The following BMP1 variants were observed in gnomAD, a reference collection of about 807,000 sequenced individuals.
The protein encoded by BMP1 is bone morphogenetic protein 1, also known as mammalian tolloid protein.
In BMP1, 63 loss-of-function variants were observed where a neutral mutation model predicts 116.8. The observed-to-expected ratio is 0.54, with a 90% CI of 0.44 to 0.67. BMP1 has a LOEUF of 0.67. BMP1 is among the 30% of genes least tolerant of loss of function. The pLI, the probability that BMP1 is intolerant of heterozygous loss-of-function variation, is 0.00. For synonymous variants in BMP1, 536 were observed against 533.4 expected, an observed-to-expected ratio of 1.00 and a Z score of -0.07; for missense variants, 1,183 against 1,358.9, an observed-to-expected ratio of 0.87 and a Z score of 2.04.
intron 15 of BMP1, chr8:22,201,553 T>C: frequency 7.1e-7 from 1 of 1,417,488 alleles, no homozygotes; most frequent in East Asian, 2.6e-5. Context: ...TGACCCATGC[T>C]GGTCCGCTCG....
chr8:22,197,743 G>T (rs1829133911), intron 15 of BMP1, among the ~76,000 whole-genome samples: 1 of 152,244 alleles, frequency 6.6e-6, no homozygotes, highest in Admixed American at 6.5e-5. Context: ...GGAGAGGGCA[G>T]GTCCTAGGAA....
intron 16 of BMP1, 39 bp from the exon 17 acceptor site, chr8:22,206,815 G>T: frequency 6.2e-7 from 1 of 1,613,066 alleles, no homozygotes; most frequent in Non-Finnish European, 8.5e-7. Flanking sequence ...GGAGCTTGGG[G>T]TCCCTCTCTA....
At chr8:22,177,219 G>A in intron 5 of BMP1, 80 bp downstream of exon 5, 5 of 1,409,900 alleles carry the variant, frequency 3.5e-6, no homozygotes, top group Non-Finnish European at 4.8e-6. Flanking sequence ...GGGGGCAGTG[G>A]CAGCCGCTCC....
chr8:22,201,832 G>A lies in BMP1; in HGVS notation c.2137G>A (p.Gly713Ser), dbSNP rs148687489. 5.1e-5 allele frequency: 82 copies of A among 1,613,510 alleles called. No homozygotes were observed. The African/African-American group carries it at 6.4e-4, about 13-fold the overall frequency. Residue 713 changes from glycine (G) to serine (S), a missense_variant, in exon 16 of 20, where the codon GGC becomes AGC. By Grantham distance (56) the Gly-to-Ser change is moderately conservative. Coordinates refer to ENST00000306385, the MANE Select transcript of BMP1 (RefSeq NM_006129.5). ...GGACGAGTGCTCCAAGGATAACGGC[G>A]GCTGCCAGCAGGACTGCGTCAACAC... ...DKDECSKDNG[G>S]CQQDCVNTFG...
chr8:22,185,797 T>C (rs116595685), intron 8 of BMP1, among the ~76,000 whole-genome samples: 8,405 of 150,692 alleles, frequency 0.056, 715 homozygotes, highest in African/African-American at 0.18. Flanking sequence ...AATTTTTGTA[T>C]TTTTAGCAGA....
Position 22,175,190 on chromosome 8 carries a change from C to A in BMP1, c.263-953C>A, listed in dbSNP as rs1828397249. 2.6e-5 allele frequency among the ~76,000 whole-genome samples: 4 copies of A among 152,228 alleles called. No homozygotes were observed. In the South Asian group the frequency reaches 6.2e-4, roughly 24 times the overall value. On this transcript the variant is annotated intron_variant, in intron 2 of 19. Transcript: ENST00000306385. ...AACCCACCAGGTGACTTTGGCCAAA[C>A]CTTTGGCCTTAGTTTCCTCATCTGT...
chr8:22,193,598 A>G (rs1474102773), intron 9 of BMP1, among the ~76,000 whole-genome samples: 1 of 152,248 alleles, frequency 6.6e-6, no homozygotes, highest in Non-Finnish European at 1.5e-5. Context: ...AGCCTGGCCA[A>G]CATGGCAAAA....
intron 1 of BMP1, among the ~76,000 whole-genome samples, chr8:22,166,661 G>A (rs1303481188): frequency 6.6e-6 from 1 of 152,216 alleles, no homozygotes; most frequent in Non-Finnish European, 1.5e-5. Context: ...GGGGCGGAGG[G>A]GCAGGTTGCT....
intron 1 of BMP1, among the ~76,000 whole-genome samples, chr8:22,165,882 C>CATGTGTGTGT (rs1554477755): frequency 7.6e-6 from 1 of 131,314 alleles, no homozygotes; most frequent in African/African-American, 2.9e-5. Context: ...CCTGTGCGTG[C>CATGTGTGTGT]GTGTGTGTGT....
chr8:22,165,878 C>CGTGTGTGTGTGTGTGT (rs1432185239), intron 1 of BMP1, among the ~76,000 whole-genome samples: 1 of 67,712 alleles, frequency 1.5e-5, no homozygotes, highest in South Asian at 4.7e-4. Flanking sequence ...AACTCCTGTG[C>CGTGTGTGTGTGTGTGT]GTGCGTGTGT....
At position 22,212,060 on chromosome 8, in the gene BMP1, C is replaced by T. The variant is rs1254584005; in HGVS notation, c.*332C>T. On this transcript the variant is annotated 3_prime_UTR_variant, in exon 20 of 20. Transcript: ENST00000306385. Reference sequence around the variant, plus strand: ...CCATCGCCATCCCTGTGTCTCTACACGCTGTATTGTGTATCACCGGGGGCA... The same window carrying T: ...CCATCGCCATCCCTGTGTCTCTACATGCTGTATTGTGTATCACCGGGGGCA... 14 of 363,248 alleles carry T rather than the reference C, an allele frequency of 3.9e-5. No individual in the cohort carries two copies. In the Admixed American group the frequency reaches 4.1e-4, roughly 11 times the overall value. 22.5% of individuals were successfully genotyped at this position (363,248 alleles called of 1,614,324 possible).
At chr8:22,201,580 T>C in intron 15 of BMP1, 1 of 1,390,632 alleles carries the variant, frequency 7.2e-7, no homozygotes, top group Non-Finnish European at 9.4e-7. Context: ...CATCCTCCTC[T>C]CCCCACAGCT....
At chr8:22,201,628 C>T in intron 15 of BMP1, 175 bp from the exon 16 acceptor site, 4 of 1,365,178 alleles carry the variant, frequency 2.9e-6, no homozygotes, top group Non-Finnish European at 2.9e-6. Flanking sequence ...TGCAGTGCCC[C>T]TTTGGACCCC....
At position 22,189,433 on chromosome 8, in the gene BMP1, TACACACAC is replaced by T. The variant is rs10672713; in HGVS notation, c.1078-2594_1078-2587del. Among the ~76,000 whole-genome samples, 397 of 141,382 alleles carry T rather than the reference TACACACAC, an allele frequency of 2.8e-3. 1 individual carries two copies. Among genetic ancestry groups the T allele is most frequent in the Non-Finnish European group, 4.0e-3 (262 of 65,526 alleles). 92.8% of individuals were successfully genotyped at this position (141,382 alleles called of 152,430 possible). A position where few individuals can be genotyped will look rare whatever the true frequency, so the allele number is the denominator to read the frequency against. On this transcript the variant is annotated intron_variant, in intron 8 of 19. Coordinates refer to ENST00000306385, the MANE Select transcript of BMP1 (RefSeq NM_006129.5). ...CCCCTGAGGTCTCTATTGATGGAGA[TACACACAC>T]ACACACACACACACACACACATATC...
intron 5 of BMP1, chr8:22,177,544 C>T: frequency 1.4e-6 from 1 of 729,478 alleles, no homozygotes; most frequent in South Asian, 1.4e-5. Flanking sequence ...TCCCTCCCTT[C>T]CCGCCTCCTC....
intron 6 of BMP1, among the ~76,000 whole-genome samples, chr8:22,178,284 ATTTG>A (rs1039950116): frequency 6.6e-6 from 1 of 152,174 alleles, no homozygotes; most frequent in Non-Finnish European, 1.5e-5. Context: ...TTTGTGGGCC[ATTTG>A]TTTGTTTTTG....
At chr8:22,186,073 C>T (rs564822430) in intron 8 of BMP1, among the ~76,000 whole-genome samples, 6 of 151,870 alleles carry the variant, frequency 4.0e-5, no homozygotes, top group South Asian at 2.1e-4. Flanking sequence ...TGACCTCAGG[C>T]GATCCGCCAG....
At chr8:22,165,590 G>C (rs1323140080) in intron 1 of BMP1, 37 bp downstream of exon 1, 2 of 1,538,674 alleles carry the variant, frequency 1.3e-6, no homozygotes, top group Non-Finnish European at 1.7e-6. Context: ...CGGGCCAGGC[G>C]GGGAGGCGCG....
chr8:22,199,355 C>T (rs1168801353), intron 15 of BMP1: 1 of 1,317,644 alleles, frequency 7.6e-7, no homozygotes, highest in Admixed American at 2.2e-5. Flanking sequence ...AGTCTGACCC[C>T]TGCCACCTTC....
Sources: allele counts gnomAD v4.1 joint callset (sites outside exome capture counted in the v4.1 genomes callset), GRCh38; gene constraint gnomAD v4.1.1; transcripts MANE v1.5; gene names NCBI Gene and HGNC (gene_info 2026-07-23, HGNC 2026-07-21).